Variants in TCP11 observed in about 807,000 individuals in gnomAD.
TCP11 encodes T-complex protein 11 homolog.
In TCP11, 34 loss-of-function variants were observed where a neutral mutation model predicts 45.0. The ratio of observed to expected loss-of-function variants is 0.76; its 90% CI spans 0.57 to 1.01. The LOEUF (loss-of-function observed/expected upper bound fraction) is 1.01. TCP11 is among the 50% of genes least tolerant of loss of function. The pLI, the probability that TCP11 is intolerant of heterozygous loss-of-function variation, is 0.00. For missense variants in TCP11, 523 were observed against 598.1 expected, an observed-to-expected ratio of 0.87 and a Z score of 1.31; for synonymous variants, 227 against 227.0, an observed-to-expected ratio of 1.00 and a Z score of 0.00.
Position 35,120,257 on chromosome 6 carries a change from C to T in TCP11, c.1017G>A (p.Val339=). The change falls in exon 8 of 10, where the codon GTG becomes GTA. Residue 339 remains valine, a synonymous_variant. Transcript: ENST00000311875. The surrounding 1 kb of genome is among the most constrained non-coding windows in gnomAD (Gnocchi z 4.9). ...QLTVMASVLL[V]ASSFSGSVLF... Reference sequence around the variant, plus strand: ...AAACACTGCCGGAGAAACTACTGGCCACCAGCAAGACTGAGGCCATGACGG... The same window carrying T: ...AAACACTGCCGGAGAAACTACTGGCTACCAGCAAGACTGAGGCCATGACGG... The T allele has an allele frequency of 6.2e-7, 1 of 1,614,206 alleles. No homozygotes were observed. Among genetic ancestry groups the T allele is most frequent in the South Asian group, 1.1e-5 (1 of 91,074 alleles).
At position 35,140,841 on chromosome 6, in the gene TCP11, CGGG is replaced by C; in HGVS notation, c.27_29del (p.Pro10del). On this transcript the variant is annotated inframe_deletion, in exon 2 of 10. Coordinates refer to ENST00000311875, the MANE Select transcript of TCP11 (RefSeq NM_001370687.1). The stretch of plus-strand genomic sequence containing the variant: ...TGCCCTCTGAGTCGCCAGGATATTT[CGGG>C]GGCACACTCTCCTTGACGTCTGGCA... 6.4e-7 allele frequency: 1 copy of C among 1,567,138 alleles called. No homozygotes were observed. Among genetic ancestry groups the C allele is most frequent in the Non-Finnish European group, 8.6e-7 (1 of 1,160,454 alleles).
Position 35,122,304 on chromosome 6 carries a change from G to A in TCP11, c.391C>T (p.Arg131Cys), listed in dbSNP as rs757908827. 1.1e-5 allele frequency: 17 copies of A among 1,614,110 alleles called. No individual in the cohort carries two copies. Among genetic ancestry groups the A allele is most frequent in the Middle Eastern group, 1.6e-4 (1 of 6,062 alleles). Residue 131 changes from arginine to cysteine, a missense_variant, in exon 5 of 10, where the codon CGC becomes TGC. Physicochemically the swap from Arg to Cys is radical, Grantham distance 180 (BLOSUM62 -3). Transcript: ENST00000311875. Reference sequence around the variant, plus strand: ...GCTTCTTCAATCTCAATTCTCAGGCGGTTCTGGCGTGGTAATAGCAGTGAT... The same window carrying A: ...GCTTCTTCAATCTCAATTCTCAGGCAGTTCTGGCGTGGTAATAGCAGTGAT... ...LLSLLLPRQNRLRIEIEEALD... is the reference protein window; with the variant it reads ...LLSLLLPRQNCLRIEIEEALD...
chr6:35,121,432 G>C (rs1385063613), intron 5 of TCP11, among the ~76,000 whole-genome samples: 1 of 149,386 alleles, frequency 6.7e-6, no homozygotes, highest in African/African-American at 2.5e-5. Context: ...AACTTTCTGG[G>C]TCTTGGTTCC....
intron 1 of TCP11, 149 bp downstream of exon 1, chr6:35,141,056 A>C: frequency 8.2e-7 from 1 of 1,224,414 alleles, no homozygotes; most frequent in Non-Finnish European, 1.1e-6. Flanking sequence ...AGTGGGACAG[A>C]AGTGGAGCGC....
chr6:35,119,161 G>A, intron 9 of TCP11, 67 bp downstream of exon 9: 4 of 1,579,018 alleles, frequency 2.5e-6, no homozygotes, highest in Non-Finnish European at 3.5e-6. Context: ...GTTGTTAAAG[G>A]TTGGGGTTCC....
intron 4 of TCP11, among the ~76,000 whole-genome samples, chr6:35,124,835 T>C (rs1049964883): frequency 1.3e-5 from 2 of 151,888 alleles, no homozygotes; most frequent in African/African-American, 4.8e-5. Flanking sequence ...ATAAAAATAT[T>C]AATTCAGTTG....
intron 3 of TCP11, among the ~76,000 whole-genome samples, chr6:35,133,203 G>A (rs911315611): frequency 4.6e-5 from 7 of 151,864 alleles, no homozygotes; most frequent in Admixed American, 2.0e-4. Flanking sequence ...TAGAGACAGA[G>A]TCTTGCTCTG....
At chr6:35,141,175 C>G (rs1781736196) in intron 1 of TCP11, 30 bp downstream of exon 1, 1 of 1,366,060 alleles carries the variant, frequency 7.3e-7, no homozygotes, top group Non-Finnish European at 9.4e-7. Flanking sequence ...AACGCCGGCC[C>G]AGGCCCGCCT....
At chr6:35,128,851 T>C in intron 4 of TCP11, 1 of 577,386 alleles carries the variant, frequency 1.7e-6, no homozygotes, top group South Asian at 2.4e-5. Context: ...TTTTCCTTAC[T>C]CTTACTAGCC....
At chr6:35,140,614 G>C (rs1212976767) in intron 2 of TCP11, 133 bp downstream of exon 2, 1 of 700,396 alleles carries the variant, frequency 1.4e-6, no homozygotes, top group Non-Finnish European at 2.6e-6. Flanking sequence ...GTAAAGGCGG[G>C]TGGGGGAGAA....
chr6:35,129,200 G>A lies in TCP11; in HGVS notation c.237-18C>T, dbSNP rs766960737. ...CTTCCAGACTATAAGAGGGTTAAAT[G>A]AGCAGATTACTCTCTCAACCCAAAA... On this transcript the variant is annotated intron_variant, in intron 3 of 9. Transcript: ENST00000311875. The A allele has an allele frequency of 6.2e-7, 1 of 1,605,752 alleles. No individual in the cohort carries two copies. The highest frequency in any genetic ancestry group is 1.1e-5 in the South Asian group (1 of 89,200).
At chr6:35,133,450 C>G (rs1389690818) in intron 3 of TCP11, among the ~76,000 whole-genome samples, 1 of 151,868 alleles carries the variant, frequency 6.6e-6, no homozygotes, top group Non-Finnish European at 1.5e-5. Flanking sequence ...CCCAAAGTGC[C>G]GGGATTACAG....
rs561924064 is a variant in TCP11 at position 35,129,531 on chromosome 6, C to A, written c.237-349G>T. 7.9e-5 allele frequency among the ~76,000 whole-genome samples: 12 copies of A among 152,302 alleles called. No individual in the cohort carries two copies. The South Asian group carries it at 2.3e-3, about 29-fold the overall frequency. On this transcript the variant is annotated intron_variant, in intron 3 of 9. Coordinates refer to ENST00000311875, the MANE Select transcript of TCP11 (RefSeq NM_001370687.1). ...ATTTGTGTATACACATAGCATTGAG[C>A]TAAATGATCTTTCATTTTCTTATAC...
chr6:35,131,585 C>A (rs1316476379), intron 3 of TCP11, among the ~76,000 whole-genome samples: 5 of 151,238 alleles, frequency 3.3e-5, no homozygotes, highest in Non-Finnish European at 7.4e-5. Context: ...AACAAACAAA[C>A]AAAAAAACAC....
chr6:35,122,423 C>CA, intron 4 of TCP11, 86 bp from the exon 5 acceptor site: 1 of 1,210,936 alleles, frequency 8.3e-7, no homozygotes, highest in Non-Finnish European at 1.2e-6. Flanking sequence ...TAAAGACATA[C>CA]CAGCCTATGT....
chr6:35,140,897 GA>G lies in TCP11; in HGVS notation c.-14-14del. ...TTGCTGATGGTATCTGGGTGAGGGA[GA>G]AAGGCGTGTTGTTGGCGTCGGGGAA... On this transcript the variant is annotated splice_polypyrimidine_tract_variant and intron_variant, in intron 1 of 9. Transcript: ENST00000311875. The G allele has an allele frequency of 6.5e-7, 1 of 1,542,312 alleles. No homozygotes were observed. The highest frequency in any genetic ancestry group is 8.7e-7 in the Non-Finnish European group (1 of 1,148,590).
At chr6:35,118,646 G>T in intron 9 of TCP11, 145 bp from the exon 10 acceptor site, 1 of 715,678 alleles carries the variant, frequency 1.4e-6, no homozygotes, top group Non-Finnish European at 2.3e-6. Flanking sequence ...AATTTGTTTT[G>T]TTTGGAAAGG....
intron 4 of TCP11, among the ~76,000 whole-genome samples, chr6:35,125,048 T>C (rs983491894): frequency 6.0e-5 from 9 of 151,204 alleles, no homozygotes; most frequent in African/African-American, 2.2e-4. Flanking sequence ...CCGGGCGTGA[T>C]AGTGCACACT....
At chr6:35,130,815 A>G (rs951333225) in intron 3 of TCP11, among the ~76,000 whole-genome samples, 1 of 152,226 alleles carries the variant, frequency 6.6e-6, no homozygotes, top group Non-Finnish European at 1.5e-5. Flanking sequence ...AGTTTCTTAC[A>G]AAAGTAAATA....
Sources: gnomAD v4.1 joint callset for allele counts (sites outside exome capture counted in the v4.1 genomes callset) on GRCh38, gnomAD v4.1.1 for gene constraint, Gnocchi (gnomAD v3.1) non-coding constraint, MANE v1.5 for transcripts, NCBI Gene and HGNC (gene_info 2026-07-23, HGNC 2026-07-21) for gene names.